FIGN: variants seen among roughly 807,000 people sequenced by gnomAD.
FIGN encodes the protein fidgetin, microtubule severing factor.
A neutral mutation model predicts 51.3 loss-of-function variants in FIGN; 11 were observed. The ratio of observed to expected loss-of-function variants is 0.21; its 90% CI spans 0.13 to 0.35. The LOEUF is 0.35. FIGN is among the 10% of genes least tolerant of loss of function. The pLI, the probability that FIGN is intolerant of heterozygous loss-of-function variation, is 1.00. For synonymous variants in FIGN, 407 were observed against 363.2 expected, an observed-to-expected ratio of 1.12 and a Z score of -1.37; for missense variants, 857 against 943.6, an observed-to-expected ratio of 0.91 and a Z score of 1.20.
intron 2 of FIGN, among the ~76,000 whole-genome samples, chr2:163,638,724 A>G (rs1683263002): frequency 6.6e-6 from 1 of 152,198 alleles, no homozygotes; most frequent in African/African-American, 2.4e-5. Context: ...GTTAGTTTTC[A>G]TTCAGCTATC....
rs200823603 is a variant in FIGN, at chr2:163,611,528, G to T, written c.304C>A (p.Arg102=). Residue 102 remains arginine, a synonymous_variant, in exon 3 of 3, where the codon CGG becomes AGG. Coordinates refer to ENST00000333129, the MANE Select transcript of FIGN (RefSeq NM_018086.4). ...SDTPSGLVNG[R]KNESEPWQPS... is the part of the protein sequence containing the mutation. ...TGCCAGGGTTCACTTTCATTTTTCC[G>T]ACCGTTCACTAGTCCTGATGGTGTG... 2 of 1,614,156 alleles carry T rather than the reference G, an allele frequency of 1.2e-6. No individual in the cohort carries two copies. Among genetic ancestry groups the T allele is most frequent in the Non-Finnish European group, 8.5e-7 (1 of 1,180,030 alleles).
chr2:163,612,809 A>G (rs531022019), intron 2 of FIGN, among the ~76,000 whole-genome samples: 1 of 149,916 alleles, frequency 6.7e-6, no homozygotes, highest in South Asian at 2.1e-4. Context: ...GAGAGAAAGG[A>G]AACTGAGGGG....
At chr2:163,693,922 C>T (rs1057410772) in intron 2 of FIGN, among the ~76,000 whole-genome samples, 3 of 152,100 alleles carry the variant, frequency 2.0e-5, no homozygotes, top group Admixed American at 6.6e-5. Context: ...TTAGCTGTTC[C>T]GGAACTTTAG....
At chr2:163,673,683 G>A (rs1273544904) in intron 2 of FIGN, among the ~76,000 whole-genome samples, 1 of 152,190 alleles carries the variant, frequency 6.6e-6, no homozygotes, top group Non-Finnish European at 1.5e-5. Context: ...TATGCTCTCT[G>A]GGGCAGGGAC....
chr2:163,621,341 C>T (rs7589522), intron 2 of FIGN, among the ~76,000 whole-genome samples: 59,053 of 151,748 alleles, frequency 0.39, 13,211 homozygotes, highest in African/African-American at 0.6. Flanking sequence ...TCTTGGACTT[C>T]GAAAAAAAAT....
intron 2 of FIGN, among the ~76,000 whole-genome samples, chr2:163,657,901 A>G (rs1248306685): frequency 2.6e-5 from 4 of 152,152 alleles, no homozygotes; most frequent in Non-Finnish European, 5.9e-5. Flanking sequence ...TTGTAGTTAG[A>G]GCTCACTTTC....
At chr2:163,704,019 G>A (rs1362034652) in intron 2 of FIGN, among the ~76,000 whole-genome samples, 2 of 151,980 alleles carry the variant, frequency 1.3e-5, no homozygotes, top group African/African-American at 4.8e-5. Flanking sequence ...CTGAATTGCT[G>A]TTTTGTTTGG....
chr2:163,623,829 T>G (rs953216776), intron 2 of FIGN, among the ~76,000 whole-genome samples: 1 of 152,128 alleles, frequency 6.6e-6, no homozygotes, highest in Non-Finnish European at 1.5e-5. Context: ...AGCCATTGTT[T>G]TCATATTTTA....
At chr2:163,697,668 C>T (rs143274506) in intron 2 of FIGN, among the ~76,000 whole-genome samples, 2 of 152,090 alleles carry the variant, frequency 1.3e-5, no homozygotes, top group Non-Finnish European at 2.9e-5. Context: ...TTTGAAATCC[C>T]GCAGCTTTGG....
At chr2:163,721,797 T>C (rs1372667887) in intron 2 of FIGN, among the ~76,000 whole-genome samples, 2 of 152,214 alleles carry the variant, frequency 1.3e-5, no homozygotes, top group Non-Finnish European at 2.9e-5. Flanking sequence ...GTAAAGGTTA[T>C]AGGTTTTCTT....
intron 2 of FIGN, among the ~76,000 whole-genome samples, chr2:163,714,988 T>C (rs1684646757): frequency 6.6e-6 from 1 of 152,262 alleles, no homozygotes; most frequent in Non-Finnish European, 1.5e-5. Flanking sequence ...ATAATGCGAA[T>C]GTCCATTCAT....
intron 2 of FIGN, among the ~76,000 whole-genome samples, chr2:163,696,693 A>T (rs1462563998): frequency 6.6e-6 from 1 of 151,932 alleles, no homozygotes; most frequent in East Asian, 1.9e-4. Context: ...TTTAAGAAAA[A>T]GTCTAGCTCT....
At chr2:163,667,264 T>C (rs1056778802) in intron 2 of FIGN, among the ~76,000 whole-genome samples, 1 of 151,868 alleles carries the variant, frequency 6.6e-6, no homozygotes, top group Non-Finnish European at 1.5e-5. Flanking sequence ...TCTTCATCTA[T>C]TGCTTCACCT....
chr2:163,634,089 C>CGTGTGCGTGT, intron 2 of FIGN, among the ~76,000 whole-genome samples: 1 of 145,494 alleles, frequency 6.9e-6, no homozygotes, highest in South Asian at 2.3e-4. Context: ...CGTATGTATG[C>CGTGTGCGTGT]GTGTGTGTGT....
At position 163,608,335 on chromosome 2, in the gene FIGN, C is replaced by A. The variant is rs1201885358; in HGVS notation, c.*1217G>T. On this transcript the variant is annotated 3_prime_UTR_variant, in exon 3 of 3. Transcript: ENST00000333129. ...TTTGTGTATTTGTTTTGGTTGCTATCCTCTGCATTCTATCAAACAGCACGG... is the reference window on the plus strand; with the variant it reads ...TTTGTGTATTTGTTTTGGTTGCTATACTCTGCATTCTATCAAACAGCACGG... 6.6e-6 allele frequency: 1 copy of A among 152,424 alleles called. No individual in the cohort carries two copies. The highest frequency in any genetic ancestry group is 1.9e-4 in the East Asian group (1 of 5,200). The allele number at this position is 152,424 out of a possible 1,614,324, so 9.4% of individuals were successfully genotyped here.
Position 163,609,481 on chromosome 2 carries a change from C to G in FIGN, c.*71G>C. The G allele has an allele frequency of 3.0e-6, 4 of 1,341,450 alleles. No individual in the cohort carries two copies. Among genetic ancestry groups the G allele is most frequent in the African/African-American group, 2.9e-5 (2 of 68,872 alleles). The allele number at this position is 1,341,450 out of a possible 1,614,324, so 83.1% of individuals were successfully genotyped here. On this transcript the variant is annotated 3_prime_UTR_variant, in exon 3 of 3. Coordinates refer to ENST00000333129, the MANE Select transcript of FIGN (RefSeq NM_018086.4). ...ATTTAAACTCTACTGGAAAGGGGCTCTATTCCCTATGTAGCAGGTTTTATG... is the reference window on the plus strand; with the variant it reads ...ATTTAAACTCTACTGGAAAGGGGCTGTATTCCCTATGTAGCAGGTTTTATG...
At chr2:163,646,391 T>G (rs1683382874) in intron 2 of FIGN, among the ~76,000 whole-genome samples, 1 of 152,194 alleles carries the variant, frequency 6.6e-6, no homozygotes. Context: ...AGTTTATGAA[T>G]GTCATTGAAA....
intron 2 of FIGN, among the ~76,000 whole-genome samples, chr2:163,695,813 T>C (rs942721830): frequency 1.3e-5 from 2 of 152,072 alleles, no homozygotes; most frequent in African/African-American, 4.8e-5. Flanking sequence ...CTTGGATTCT[T>C]AAAAAATAGC....
chr2:163,661,225 ATTAT>A (rs1683674024), intron 2 of FIGN, among the ~76,000 whole-genome samples: 2 of 150,352 alleles, frequency 1.3e-5, no homozygotes, highest in Admixed American at 6.6e-5. Context: ...CTTTAAAATG[ATTAT>A]TTATTTATTA....
Sources: allele counts gnomAD v4.1 joint callset (sites outside exome capture counted in the v4.1 genomes callset), GRCh38; gene constraint gnomAD v4.1.1; transcripts MANE v1.5; gene names NCBI Gene and HGNC (gene_info 2026-07-23, HGNC 2026-07-21).